The following KLHL1 variants were observed in gnomAD, a reference collection of about 807,000 sequenced individuals.
The protein encoded by KLHL1 is kelch like family member 1.
Under a neutral mutation model 77.7 loss-of-function variants are expected in KLHL1, and 47 were observed. The observed-to-expected ratio is 0.60, with a 90% CI of 0.48 to 0.77. KLHL1 has a LOEUF of 0.77. Ranked by LOEUF, KLHL1 falls within the 30% of genes least tolerant of loss-of-function variation. The pLI, the probability that KLHL1 is intolerant of heterozygous loss-of-function variation, is 0.00. For synonymous variants in KLHL1, 360 were observed against 325.2 expected (o/e 1.11, Z -1.15); for missense variants, 925 against 910.8 (o/e 1.02, Z -0.20).
intron 4 of KLHL1, among the ~76,000 whole-genome samples, chr13:69,929,079 A>G (rs1882910011): frequency 6.6e-6 from 1 of 152,102 alleles, no homozygotes. Context: ...TTATCCAGAC[A>G]TGCATTTGCA....
At chr13:70,077,645 A>T (rs1018740236) in intron 1 of KLHL1, among the ~76,000 whole-genome samples, 2 of 152,068 alleles carry the variant, frequency 1.3e-5, no homozygotes, top group Non-Finnish European at 2.9e-5. Context: ...GTACTATATC[A>T]AAATGATGTG....
At chr13:69,984,122 A>G (rs1008900815) in intron 1 of KLHL1, among the ~76,000 whole-genome samples, 1 of 152,178 alleles carries the variant, frequency 6.6e-6, no homozygotes, top group Non-Finnish European at 1.5e-5. Flanking sequence ...TGAGATCTCA[A>G]AAGCACAGAA....
At chr13:69,898,187 C>T (rs1334057748) in intron 4 of KLHL1, among the ~76,000 whole-genome samples, 3 of 152,184 alleles carry the variant, frequency 2.0e-5, no homozygotes, top group African/African-American at 7.2e-5. Context: ...CCCCCTAGGG[C>T]CTGCTCCAGG....
chr13:70,064,764 G>A (rs978894646), intron 1 of KLHL1, among the ~76,000 whole-genome samples: 9 of 152,074 alleles, frequency 5.9e-5, no homozygotes, highest in African/African-American at 1.7e-4. Context: ...TTTGGCTGGC[G>A]ATCCACGACT....
At chr13:70,019,531 C>A (rs1217166933) in intron 1 of KLHL1, among the ~76,000 whole-genome samples, 1 of 152,120 alleles carries the variant, frequency 6.6e-6, no homozygotes, top group Non-Finnish European at 1.5e-5. Context: ...CCATTTAACA[C>A]TTATTACATA....
intron 7 of KLHL1, among the ~76,000 whole-genome samples, chr13:69,770,233 A>T (rs1389608414): frequency 1.3e-5 from 2 of 152,190 alleles, no homozygotes; most frequent in Non-Finnish European, 2.9e-5. Flanking sequence ...CCTGGTCCAG[A>T]TGTGGGCAAA....
At chr13:70,041,306 T>C (rs1177469657) in intron 1 of KLHL1, among the ~76,000 whole-genome samples, 1 of 152,190 alleles carries the variant, frequency 6.6e-6, no homozygotes, top group Non-Finnish European at 1.5e-5. Flanking sequence ...TGAGTGACTG[T>C]CAGTTGCAAC....
At chr13:70,054,725 T>TAA (rs369139534) in intron 1 of KLHL1, among the ~76,000 whole-genome samples, 2 of 141,786 alleles carry the variant, frequency 1.4e-5, no homozygotes, top group African/African-American at 2.6e-5. Context: ...ACTGCAATAT[T>TAA]AAAAAAAAAA....
intron 7 of KLHL1, among the ~76,000 whole-genome samples, chr13:69,741,986 C>T (rs998386558): frequency 6.6e-6 from 1 of 152,150 alleles, no homozygotes; most frequent in Admixed American, 6.6e-5. Flanking sequence ...ACACAGATCG[C>T]TTATGATCCA....
chr13:69,832,866 C>T (rs980429416), intron 6 of KLHL1, among the ~76,000 whole-genome samples: 1 of 152,106 alleles, frequency 6.6e-6, no homozygotes, highest in Non-Finnish European at 1.5e-5. Context: ...AAAGGACAAC[C>T]TATTCAACAA....
At chr13:70,047,258 A>C (rs934578681) in intron 1 of KLHL1, among the ~76,000 whole-genome samples, 1 of 151,884 alleles carries the variant, frequency 6.6e-6, no homozygotes, top group South Asian at 2.1e-4. Flanking sequence ...TAAAAAAAAA[A>C]ATCACAAGCT....
At chr13:69,833,799 CTA>C (rs34158219) in intron 6 of KLHL1, among the ~76,000 whole-genome samples, 19,720 of 144,524 alleles carry the variant, frequency 0.14, 1,510 homozygotes, top group African/African-American at 0.19. Flanking sequence ...TTGTTGTGTT[CTA>C]TATATATATA....
intron 4 of KLHL1, among the ~76,000 whole-genome samples, chr13:69,890,231 C>T (rs913073045): frequency 1.6e-4 from 10 of 62,118 alleles, no homozygotes; most frequent in African/African-American, 3.0e-4. Context: ...TCTGCAATAA[C>T]AATTTCCAAA....
intron 5 of KLHL1, among the ~76,000 whole-genome samples, chr13:69,841,680 A>AT (rs1227706741): frequency 6.6e-6 from 1 of 151,878 alleles, no homozygotes; most frequent in Non-Finnish European, 1.5e-5. Context: ...TACCAAAGTC[A>AT]TTTTTTCACA....
chr13:69,712,712 T>G (rs1875931818), intron 9 of KLHL1, among the ~76,000 whole-genome samples: 1 of 151,532 alleles, frequency 6.6e-6, no homozygotes, highest in Non-Finnish European at 1.5e-5. Flanking sequence ...TGAAACAATT[T>G]TAATTTTAAA....
At chr13:70,033,724 A>G (rs1886174071) in intron 1 of KLHL1, among the ~76,000 whole-genome samples, 1 of 137,928 alleles carries the variant, frequency 7.3e-6, no homozygotes, top group African/African-American at 2.8e-5. Flanking sequence ...GGTTCAAGCT[A>G]TTCTCATGTC....
intron 6 of KLHL1, among the ~76,000 whole-genome samples, chr13:69,823,974 A>ATG (rs750761091): frequency 8.6e-5 from 13 of 151,806 alleles, no homozygotes; most frequent in Non-Finnish European, 1.9e-4. Flanking sequence ...GTATATCATT[A>ATG]TGTGTGTGTG....
rs763238719 is a variant in KLHL1 at position 69,882,314 on chromosome 13, G to T, written c.1196C>A (p.Ala399Asp). 3 of 1,613,734 alleles carry T rather than the reference G, an allele frequency of 1.9e-6. No individual in the cohort carries two copies. Among genetic ancestry groups the T allele is most frequent in the Non-Finnish European group, 2.5e-6 (3 of 1,179,666 alleles). ...TGGAAGCAGTGGCAGTCTTATAAAG[G>T]CAAGAAGCATGCTCAGGTCATTGCA... ...SRCNDLSMLLAFIRLPLLPPQ... is the reference protein window; with the variant it reads ...SRCNDLSMLLDFIRLPLLPPQ... Residue 399 changes from alanine (A) to aspartate (D), a missense_variant, in exon 5 of 11, where the codon GCC becomes GAC. By Grantham distance (126) the Ala-to-Asp change is moderately radical. Coordinates refer to ENST00000377844, the MANE Select transcript of KLHL1 (RefSeq NM_020866.3).
At chr13:70,023,491 T>A (rs932915198) in intron 1 of KLHL1, among the ~76,000 whole-genome samples, 1 of 151,980 alleles carries the variant, frequency 6.6e-6, no homozygotes, top group African/African-American at 2.4e-5. Context: ...TAACATCATT[T>A]AAGTTCATAC....
Sources: allele counts gnomAD v4.1 joint callset (sites outside exome capture counted in the v4.1 genomes callset), GRCh38; gene constraint gnomAD v4.1.1; transcripts MANE v1.5; gene names NCBI Gene and HGNC (gene_info 2026-07-23, HGNC 2026-07-21).